Variants in GGH observed in about 807,000 individuals in gnomAD.
GGH encodes gamma-Glu-X carboxypeptidase.
Under a neutral mutation model 39.2 loss-of-function variants are expected in GGH, and 18 were observed. The ratio of observed to expected loss-of-function variants is 0.46; its 90% CI spans 0.32 to 0.68. The LOEUF is 0.68. Among genes scored for constraint, GGH ranks in the 30% least tolerant of loss-of-function variants. GGH has a pLI of 0.04. For missense variants in GGH, 367 were observed against 384.1 expected, an observed-to-expected ratio of 0.96 and a Z score of 0.37; for synonymous variants, 147 against 138.8, an observed-to-expected ratio of 1.06 and a Z score of -0.42.
At chr8:63,032,164 G>A (rs117494536) in intron 2 of GGH, among the ~76,000 whole-genome samples, 11,449 of 152,020 alleles carry the variant, frequency 0.075, 747 homozygotes, top group East Asian at 0.34. Context: ...CTCCTGAGTA[G>A]CTGGGCCCAT....
intron 3 of GGH, 160 bp downstream of exon 3, chr8:63,030,007 C>A: frequency 2.3e-6 from 1 of 442,178 alleles, no homozygotes; most frequent in East Asian, 3.4e-5. Flanking sequence ...TTTTGCATCT[C>A]CCAAGAAAAT....
At position 63,017,885 on chromosome 8, in the gene GGH, G is replaced by A. The variant is rs2129640611; in HGVS notation, c.698-255C>T. ...TTTTCGAGATACTCATAGCAAAGTA[G>A]AAGCTGAGCTGAGGAATCTATCCCT... is the stretch of plus-strand genomic sequence containing the variant. On this transcript the variant is annotated intron_variant, in intron 7 of 8. Transcript: ENST00000260118. 3 of 341,302 alleles carry A rather than the reference G, an allele frequency of 8.8e-6. No homozygotes were observed. The South Asian group carries it at 2.0e-4, about 23-fold the overall frequency. The allele number at this position is 341,302 out of a possible 1,614,324, so 21.1% of individuals were successfully genotyped here.
chr8:63,021,465 G>A (rs1339729505), intron 7 of GGH, among the ~76,000 whole-genome samples: 2 of 152,160 alleles, frequency 1.3e-5, no homozygotes, highest in Non-Finnish European at 2.9e-5. Flanking sequence ...GTGCATGACA[G>A]CACCTGCTGT....
At chr8:63,029,525 TATAAA>T (rs1326632333) in intron 3 of GGH, among the ~76,000 whole-genome samples, 2 of 152,120 alleles carry the variant, frequency 1.3e-5, no homozygotes, top group African/African-American at 4.8e-5. Context: ...GGAATATATT[TATAAA>T]ATAAAATTCC....
At chr8:63,024,276 A>AAT in intron 5 of GGH, 90 bp from the exon 6 acceptor site, 1 of 695,078 alleles carries the variant, frequency 1.4e-6, no homozygotes, top group Admixed American at 2.6e-5. Flanking sequence ...AGAAGCCATT[A>AAT]TGAAGACATA....
chr8:63,017,497 A>C lies in GGH; in HGVS notation c.831T>G (p.Asn277Lys), dbSNP rs776001759. The C allele has an allele frequency of 6.2e-7, 1 of 1,607,958 alleles. No homozygotes were observed. Residue 277 changes from asparagine (N) to lysine (K), a missense_variant, in exon 8 of 9, where the codon AAT (asparagine) becomes AAG (lysine). Transcript: ENST00000260118. ...TAFYLAEFFV[N>K]EARKNNHHFK... ...AATTATGTACCCTCATATTACCTTC[A>C]TTAACAAAAAACTCTGCTAAATAAA... is the stretch of plus-strand genomic sequence containing the variant.
chr8:63,034,046 AT>A (rs1804856125), intron 2 of GGH, among the ~76,000 whole-genome samples: 2 of 146,330 alleles, frequency 1.4e-5, no homozygotes, highest in African/African-American at 5.0e-5. Context: ...ATATATATAT[AT>A]TTTTATATAT....
chr8:63,029,259 C>T (rs1804757064), intron 3 of GGH, among the ~76,000 whole-genome samples: 2 of 152,124 alleles, frequency 1.3e-5, no homozygotes, highest in South Asian at 4.1e-4. Flanking sequence ...TAACAAAAAG[C>T]AAACGGGGTG....
At chr8:63,033,541 T>C (rs1345536776) in intron 2 of GGH, among the ~76,000 whole-genome samples, 1 of 147,582 alleles carries the variant, frequency 6.8e-6, no homozygotes, top group East Asian at 2.1e-4. Context: ...ATAGTTTAAG[T>C]AGTCTTTTAT....
chr8:63,034,325 A>T (rs1041970133), intron 2 of GGH, among the ~76,000 whole-genome samples: 1 of 152,142 alleles, frequency 6.6e-6, no homozygotes, highest in African/African-American at 2.4e-5. Flanking sequence ...ACAAGAAGAC[A>T]ATTCTTATAA....
At position 63,038,803 on chromosome 8, in the gene GGH, C is replaced by T; in HGVS notation, c.-35G>A. 7.4e-7 allele frequency: 1 copy of T among 1,348,630 alleles called. No homozygotes were observed. Among genetic ancestry groups the T allele is most frequent in the Non-Finnish European group, 1.0e-6 (1 of 1,002,312 alleles). 83.5% of individuals were successfully genotyped at this position (1,348,630 alleles called of 1,614,324 possible). ...CGCCTCCCGCCGCCTTTCAAAAGCT[C>T]TGCGGGCGGGCGGGGGCTGCGGCAG... is the stretch of plus-strand genomic sequence containing the variant. On this transcript the variant is annotated 5_prime_UTR_variant, in exon 1 of 9. Transcript: ENST00000260118.
At chr8:63,020,310 T>C (rs1235199258) in intron 7 of GGH, among the ~76,000 whole-genome samples, 1 of 152,192 alleles carries the variant, frequency 6.6e-6, no homozygotes, top group Non-Finnish European at 1.5e-5. Flanking sequence ...TGGTATGGCA[T>C]AGTCAAAAGC....
chr8:63,029,590 T>C (rs1479411733), intron 3 of GGH, among the ~76,000 whole-genome samples: 1 of 152,096 alleles, frequency 6.6e-6, no homozygotes, highest in African/African-American at 2.4e-5. Flanking sequence ...TTTCAATAGG[T>C]ATTGCAATAT....
At chr8:63,029,465 ATAC>A (rs1483351768) in intron 3 of GGH, among the ~76,000 whole-genome samples, 1 of 152,168 alleles carries the variant, frequency 6.6e-6, no homozygotes, top group Non-Finnish European at 1.5e-5. Flanking sequence ...CTGTCAGACA[ATAC>A]TACTAATACA....
intron 7 of GGH, among the ~76,000 whole-genome samples, chr8:63,022,870 T>C (rs1012873981): frequency 2.0e-5 from 3 of 152,170 alleles, no homozygotes; most frequent in Non-Finnish European, 4.4e-5. Flanking sequence ...TCAAATCTGA[T>C]TGTTTCATGC....
intron 2 of GGH, among the ~76,000 whole-genome samples, chr8:63,030,852 C>T (rs192726062): frequency 5.1e-4 from 77 of 152,158 alleles, no homozygotes; most frequent in African/African-American, 1.2e-3. Context: ...TCCTAACAAT[C>T]GCCATGTTAT....
chr8:63,025,057 A>C (rs556498940), intron 5 of GGH: 194 of 152,348 alleles, frequency 1.3e-3, no homozygotes, highest in African/African-American at 4.4e-3. Context: ...TTCAATTCTA[A>C]GCATTCGGAG....
chr8:63,031,982 A>G (rs1263650328), intron 2 of GGH, among the ~76,000 whole-genome samples: 1 of 152,184 alleles, frequency 6.6e-6, no homozygotes, highest in Admixed American at 6.5e-5. Context: ...CTCAATCTAG[A>G]TAACTGTCTT....
intron 5 of GGH, 91 bp from the exon 6 acceptor site, chr8:63,024,277 T>G: frequency 2.9e-6 from 2 of 695,572 alleles, no homozygotes; most frequent in South Asian, 3.7e-5. Flanking sequence ...GAAGCCATTA[T>G]GAAGACATAA....
Sources: gnomAD v4.1 joint callset for allele counts (sites outside exome capture counted in the v4.1 genomes callset) on GRCh38, gnomAD v4.1.1 for gene constraint, MANE v1.5 for transcripts, NCBI Gene and HGNC (gene_info 2026-07-23, HGNC 2026-07-21) for gene names.